The following PCSK2 variants were observed in gnomAD, a reference collection of about 807,000 sequenced individuals.
The protein encoded by PCSK2 is proprotein convertase subtilisin/kexin type 2, also known as neuroendocrine convertase 2.
PCSK2 carries 14 observed loss-of-function variants against 69.7 expected under a neutral mutation model. That is an observed-to-expected ratio of 0.20 (90% CI 0.13 to 0.31). PCSK2 has a LOEUF of 0.31. Ranked by LOEUF, PCSK2 falls within the 10% of genes least tolerant of loss-of-function variation. The probability of loss-of-function intolerance (pLI) is 1.00; values close to 1 mark genes in which losing one functional copy is unlikely to be tolerated. For synonymous variants in PCSK2, 307 were observed against 320.7 expected, an observed-to-expected ratio of 0.96 and a Z score of 0.46; for missense variants, 544 against 842.5, an observed-to-expected ratio of 0.65 and a Z score of 4.39.
At chr20:17,377,451 G>A (rs1381176702) in intron 5 of PCSK2, among the ~76,000 whole-genome samples, 2 of 152,218 alleles carry the variant, frequency 1.3e-5, no homozygotes, top group Non-Finnish European at 2.9e-5. Flanking sequence ...GGCCCCAGGG[G>A]GCATGTGGCC....
intron 10 of PCSK2, among the ~76,000 whole-genome samples, chr20:17,463,265 C>T (rs1009906540): frequency 1.3e-5 from 2 of 152,186 alleles, no homozygotes; most frequent in African/African-American, 4.8e-5. Flanking sequence ...AACCTGCTAG[C>T]CAGCCCTCTG....
At chr20:17,274,720 A>G (rs1987994365) in intron 2 of PCSK2, among the ~76,000 whole-genome samples, 1 of 152,076 alleles carries the variant, frequency 6.6e-6, no homozygotes, top group African/African-American at 2.4e-5. Flanking sequence ...GTCTTTCCTG[A>G]ATTCCTGACC....
chr20:17,370,324 G>A (rs2030721180), intron 5 of PCSK2, among the ~76,000 whole-genome samples: 1 of 152,158 alleles, frequency 6.6e-6, no homozygotes, highest in African/African-American at 2.4e-5. Context: ...TGTCCTGGAA[G>A]GCGAGTGTCT....
chr20:17,396,897 G>A (rs1446244978), intron 5 of PCSK2, among the ~76,000 whole-genome samples: 5 of 152,204 alleles, frequency 3.3e-5, no homozygotes, highest in Non-Finnish European at 5.9e-5. Flanking sequence ...AGGCCTCTAG[G>A]AAATGGGAGA....
chr20:17,476,500 G>T (rs1039698932), intron 11 of PCSK2, among the ~76,000 whole-genome samples: 1 of 152,038 alleles, frequency 6.6e-6, no homozygotes, highest in East Asian at 1.9e-4. Context: ...TTCCATCATC[G>T]TAGAGTGTCC....
At chr20:17,337,452 T>C (rs1990385170) in intron 2 of PCSK2, among the ~76,000 whole-genome samples, 1 of 152,180 alleles carries the variant, frequency 6.6e-6, no homozygotes, top group Non-Finnish European at 1.5e-5. Flanking sequence ...TTTCAGCACT[T>C]GGTTGGAAGA....
chr20:17,444,614 A>G (rs867890689), intron 8 of PCSK2, among the ~76,000 whole-genome samples: 1 of 152,234 alleles, frequency 6.6e-6, no homozygotes, highest in Non-Finnish European at 1.5e-5. Flanking sequence ...ATCTCCTAGA[A>G]GCAGATCCTG....
At chr20:17,470,256 G>T (rs1161566730) in intron 11 of PCSK2, among the ~76,000 whole-genome samples, 1 of 152,208 alleles carries the variant, frequency 6.6e-6, no homozygotes, top group African/African-American at 2.4e-5. Context: ...GCTATTGAGT[G>T]CTAGAAAGTG....
intron 5 of PCSK2, 97 bp downstream of exon 5, chr20:17,369,374 A>C: frequency 1.1e-6 from 1 of 936,600 alleles, no homozygotes; most frequent in South Asian, 1.3e-5. Flanking sequence ...ATGTCTATAC[A>C]CATGCATGCA....
At chr20:17,307,263 G>A (rs1335350100) in intron 2 of PCSK2, among the ~76,000 whole-genome samples, 1 of 152,208 alleles carries the variant, frequency 6.6e-6, no homozygotes, top group Non-Finnish European at 1.5e-5. Flanking sequence ...AGAAACAGTT[G>A]TTATGAGCTC....
At chr20:17,404,632 T>C (rs905068499) in intron 5 of PCSK2, among the ~76,000 whole-genome samples, 11 of 152,206 alleles carry the variant, frequency 7.2e-5, no homozygotes, top group Non-Finnish European at 5.9e-5. Context: ...GTCAGCCTAG[T>C]TCATACCAGA....
chr20:17,441,811 G>A (rs6034825), intron 8 of PCSK2, among the ~76,000 whole-genome samples: 100,814 of 151,804 alleles, frequency 0.66, 33,825 homozygotes, highest in African/African-American at 0.75. Context: ...TTGGGTGGGG[G>A]CACAGCCAAA....
chr20:17,299,448 T>C (rs1310913253), intron 2 of PCSK2, among the ~76,000 whole-genome samples: 1 of 152,172 alleles, frequency 6.6e-6, no homozygotes, highest in African/African-American at 2.4e-5. Context: ...TTTTCCTTCA[T>C]TACAATTACT....
At chr20:17,378,616 GA>G (rs2030998680) in intron 5 of PCSK2, among the ~76,000 whole-genome samples, 1 of 148,498 alleles carries the variant, frequency 6.7e-6, no homozygotes, top group African/African-American at 2.5e-5. Context: ...TGGATGGATG[GA>G]TGGATGGATG....
At position 17,256,698 on chromosome 20, in the gene PCSK2, C is replaced by T. The variant is rs747271555; in HGVS notation, c.178-3542C>T. Among the ~76,000 whole-genome samples the T allele has an allele frequency of 1.5e-4, 23 of 150,596 alleles. No individual in the cohort carries two copies. In the Middle Eastern group the frequency reaches 0.01, roughly 67 times the overall value. On this transcript the variant is annotated intron_variant, in intron 1 of 11. Transcript: ENST00000262545. ...TGGAGGTTTCTTACATAGGTATATA[C>T]GTGCCATGGTGGTTTGCTGCACCCA...
At chr20:17,359,146 C>G (rs2030307188) in intron 3 of PCSK2, among the ~76,000 whole-genome samples, 1 of 152,150 alleles carries the variant, frequency 6.6e-6, no homozygotes, top group Non-Finnish European at 1.5e-5. Context: ...GTGAATGAAG[C>G]TGTATTTTAT....
intron 8 of PCSK2, among the ~76,000 whole-genome samples, chr20:17,438,853 G>C (rs118097996): frequency 0.035 from 5,407 of 152,316 alleles, 137 homozygotes; most frequent in Non-Finnish European, 0.052. Flanking sequence ...CCCCCTGTGG[G>C]CCAGGCCAAG....
intron 4 of PCSK2, among the ~76,000 whole-genome samples, chr20:17,367,142 A>T (rs1411795600): frequency 6.6e-6 from 1 of 151,994 alleles, no homozygotes; most frequent in African/African-American, 2.4e-5. Flanking sequence ...TTAGGTATAA[A>T]TTATCAAAAT....
chr20:17,227,553 A>G (rs574434778), intron 1 of PCSK2, 71 bp downstream of exon 1: 4 of 1,221,622 alleles, frequency 3.3e-6, no homozygotes, highest in Non-Finnish European at 4.7e-6. Context: ...GCGCAATCTC[A>G]TTGCAGATTT....
Sources: gnomAD v4.1 joint callset for allele counts (sites outside exome capture counted in the v4.1 genomes callset) on GRCh38, gnomAD v4.1.1 for gene constraint, MANE v1.5 for transcripts, NCBI Gene and HGNC (gene_info 2026-07-23, HGNC 2026-07-21) for gene names.